SENP6: variants seen among roughly 807,000 people sequenced by gnomAD.
SENP6 encodes sentrin-specific protease 6.
Under a neutral mutation model 134.5 loss-of-function variants are expected in SENP6, and 41 were observed. The observed-to-expected ratio is 0.30, with a 90% CI of 0.24 to 0.40. The LOEUF (loss-of-function observed/expected upper bound fraction) is 0.40, where lower values mean the gene tolerates loss of function less well. SENP6 is among the 10% of genes least tolerant of loss of function. SENP6 has a pLI of 1.00. For missense variants in SENP6, 1,248 were observed against 1,312.5 expected, an observed-to-expected ratio of 0.95 and a Z score of 0.76; for synonymous variants, 395 against 429.8, an observed-to-expected ratio of 0.92 and a Z score of 1.00.
chr6:75,683,178 A>C (rs187315439), intron 16 of SENP6, among the ~76,000 whole-genome samples: 4 of 151,958 alleles, frequency 2.6e-5, no homozygotes, highest in African/African-American at 9.6e-5. Flanking sequence ...GCATTTTTTC[A>C]TGTGTCTGTT....
Position 75,711,312 on chromosome 6 carries a change from A to C in SENP6, c.2821-16A>C. 1 of 1,583,214 alleles carries C rather than the reference A, an allele frequency of 6.3e-7. No individual in the cohort carries two copies. The highest frequency in any genetic ancestry group is 8.7e-7 in the Non-Finnish European group (1 of 1,153,974). Reference sequence around the variant, plus strand: ...ATTATATATTTTCAGTATTAACAGTAGGCTGTCTTTTATAGGATGATAGCA... The same window carrying C: ...ATTATATATTTTCAGTATTAACAGTCGGCTGTCTTTTATAGGATGATAGCA... On this transcript the variant is annotated splice_polypyrimidine_tract_variant and intron_variant, in intron 20 of 23. Transcript: ENST00000447266.
In SENP6 at chr6:75,695,838, G is replaced by A. The variant is rs780645548; in HGVS notation, c.2110G>A (p.Ala704Thr). The change falls in exon 17 of 24, where the codon GCT (alanine) becomes ACT (threonine). Residue 704 changes from alanine (A) to threonine (T), a missense_variant. Physicochemically the swap from Ala to Thr is moderately conservative, Grantham distance 58. Transcript: ENST00000447266. ...LVLEKLKKED[A>T]DRIHIFSSFF... is the part of the protein sequence containing the mutation. ...GCTTGAAAAACTGAAGAAGGAAGAC[G>A]CTGACCGAATTCATATATTCAGTTC... is the stretch of plus-strand genomic sequence containing the variant. 3.1e-6 allele frequency: 5 copies of A among 1,602,974 alleles called. No individual in the cohort carries two copies. The highest frequency in any genetic ancestry group is 4.3e-6 in the Non-Finnish European group (5 of 1,174,980).
At chr6:75,688,988 C>T (rs1377148828) in intron 16 of SENP6, among the ~76,000 whole-genome samples, 2 of 152,178 alleles carry the variant, frequency 1.3e-5, no homozygotes, top group Non-Finnish European at 2.9e-5. Flanking sequence ...ATCACTTGAA[C>T]CCAGGAGGTG....
At position 75,666,885 on chromosome 6, in the gene SENP6, G is replaced by A. The variant is rs1772285732; in HGVS notation, c.1168G>A (p.Glu390Lys). 6.2e-7 allele frequency: 1 copy of A among 1,611,666 alleles called. No individual in the cohort carries two copies. Among genetic ancestry groups the A allele is most frequent in the Non-Finnish European group, 8.5e-7 (1 of 1,178,210 alleles). ...RAERELRSIP[E>K]DSELNTVTLP... is the part of the protein sequence containing the mutation. ...AGAGCGTGAACTACGAAGCATTCCA[G>A]AAGACTCAGAGTTAAATACAGTTAC... Residue 390 changes from glutamate to lysine, a missense_variant, in exon 10 of 24, where the codon GAA becomes AAA. Physicochemically the swap from Glu to Lys is moderately conservative, Grantham distance 56. Transcript: ENST00000447266.
At chr6:75,624,522 G>T (rs1561976746) in intron 3 of SENP6, among the ~76,000 whole-genome samples, 1 of 151,490 alleles carries the variant, frequency 6.6e-6, no homozygotes, top group Non-Finnish European at 1.5e-5. Context: ...ATATCTGAAC[G>T]TATCTGTTTC....
chr6:75,683,107 A>G (rs1773578713), intron 16 of SENP6, among the ~76,000 whole-genome samples: 1 of 152,170 alleles, frequency 6.6e-6, no homozygotes. Context: ...TCTAACTGGC[A>G]TGAGATGGTT....
At chr6:75,650,835 A>T (rs1297686535) in intron 7 of SENP6, among the ~76,000 whole-genome samples, 1 of 152,222 alleles carries the variant, frequency 6.6e-6, no homozygotes, top group African/African-American at 2.4e-5. Flanking sequence ...ATTTCAAACC[A>T]CAAGATCACT....
intron 16 of SENP6, among the ~76,000 whole-genome samples, chr6:75,693,482 T>C (rs923219528): frequency 1.3e-5 from 2 of 151,940 alleles, no homozygotes; most frequent in Non-Finnish European, 2.9e-5. Flanking sequence ...GGTTCACTCA[T>C]TACAGTATAG....
At chr6:75,634,332 C>T (rs1000408862) in intron 4 of SENP6, among the ~76,000 whole-genome samples, 4 of 152,002 alleles carry the variant, frequency 2.6e-5, no homozygotes, top group Non-Finnish European at 4.4e-5. Flanking sequence ...TCTCAACCTC[C>T]GCCTCCCGGG....
At chr6:75,632,054 G>T (rs896345856) in intron 3 of SENP6, among the ~76,000 whole-genome samples, 5 of 152,144 alleles carry the variant, frequency 3.3e-5, no homozygotes, top group Non-Finnish European at 7.4e-5. Flanking sequence ...GTAATACCTG[G>T]CTTTATCATA....
chr6:75,686,387 C>T (rs1773842695), intron 16 of SENP6, among the ~76,000 whole-genome samples: 2 of 152,122 alleles, frequency 1.3e-5, no homozygotes, highest in African/African-American at 2.4e-5. Context: ...GGCATTTAGC[C>T]CATTTACATT....
chr6:75,685,473 G>A (rs77516887), intron 16 of SENP6, among the ~76,000 whole-genome samples: 1 of 152,100 alleles, frequency 6.6e-6, no homozygotes, highest in Non-Finnish European at 1.5e-5. Context: ...AAATTGTGAT[G>A]TTAGGGTGTC....
At chr6:75,655,634 GT>G (rs1771261332) in intron 7 of SENP6, among the ~76,000 whole-genome samples, 1 of 152,068 alleles carries the variant, frequency 6.6e-6, no homozygotes, top group South Asian at 2.1e-4. Flanking sequence ...TGCATCAATA[GT>G]TTGTTTCTTT....
intron 8 of SENP6, among the ~76,000 whole-genome samples, chr6:75,662,550 G>A (rs1166381505): frequency 2.0e-5 from 3 of 152,112 alleles, no homozygotes; most frequent in Non-Finnish European, 4.4e-5. Flanking sequence ...TTTTTAGAGA[G>A]TTAGGTTAAT....
chr6:75,717,694 T>C lies in SENP6; in HGVS notation c.*2100T>C, dbSNP rs796973523. 2.8e-4 allele frequency: 42 copies of C among 152,282 alleles called. No homozygotes were observed. Among genetic ancestry groups the C allele is most frequent in the African/African-American group, 9.9e-4 (41 of 41,576 alleles). 9.4% of individuals were successfully genotyped at this position (152,282 alleles called of 1,614,324 possible). On this transcript the variant is annotated 3_prime_UTR_variant, in exon 24 of 24. Coordinates refer to ENST00000447266, the MANE Select transcript of SENP6 (RefSeq NM_015571.4). ...GTAGTTTAAAGTGGGATCAAGCCTTTTAAAATGTGTTATTAGTACTTAGAA... is the reference window on the plus strand; with the variant it reads ...GTAGTTTAAAGTGGGATCAAGCCTTCTAAAATGTGTTATTAGTACTTAGAA...
At position 75,678,804 on chromosome 6, in the gene SENP6, G is replaced by T. The variant is rs899117279; in HGVS notation, c.1959-7G>T. 1 of 1,543,982 alleles carries T rather than the reference G, an allele frequency of 6.5e-7. No individual in the cohort carries two copies. On this transcript the variant is annotated splice_region_variant and splice_polypyrimidine_tract_variant and intron_variant, in intron 15 of 23. Transcript: ENST00000447266. The stretch of plus-strand genomic sequence containing the variant: ...GTTTATTTGCTTGCCTTCTAATTTT[G>T]TTACAGGTTGATAGTATATCCACCA...
intron 10 of SENP6, among the ~76,000 whole-genome samples, chr6:75,668,163 G>A (rs187319766): frequency 1.1e-3 from 170 of 152,172 alleles, no homozygotes; most frequent in African/African-American, 3.9e-3. Flanking sequence ...TTATTTAAAG[G>A]GGGGATCTTG....
chr6:75,607,912 C>CA (rs112814499), intron 1 of SENP6, among the ~76,000 whole-genome samples: 43,600 of 152,108 alleles, frequency 0.29, 6,825 homozygotes, highest in Non-Finnish European at 0.37. Context: ...AACTAGAGCA[C>CA]AGCTTCTCCC....
At chr6:75,627,130 CTT>C (rs1768758738) in intron 3 of SENP6, among the ~76,000 whole-genome samples, 1 of 151,938 alleles carries the variant, frequency 6.6e-6, no homozygotes, top group Non-Finnish European at 1.5e-5. Flanking sequence ...AACCAGCTAA[CTT>C]TTGTATTTTA....
Sources: allele counts gnomAD v4.1 joint callset (sites outside exome capture counted in the v4.1 genomes callset), GRCh38; gene constraint gnomAD v4.1.1; transcripts MANE v1.5; gene names NCBI Gene and HGNC (gene_info 2026-07-23, HGNC 2026-07-21).